PHF7: variants seen among roughly 807,000 people sequenced by gnomAD.
The protein encoded by PHF7 is E3 ubiquitin-protein ligase PHF7.
In PHF7, 24 loss-of-function variants were observed where a neutral mutation model predicts 47.5. The observed-to-expected ratio is 0.51, with a 90% CI of 0.37 to 0.71. PHF7 has a LOEUF of 0.71. Among genes scored for constraint, PHF7 ranks in the 30% least tolerant of loss-of-function variants. The pLI, the probability that PHF7 is intolerant of heterozygous loss-of-function variation, is 0.00. For missense variants in PHF7, 361 were observed against 456.8 expected (o/e 0.79, Z 1.91); for synonymous variants, 156 against 153.8 (o/e 1.01, Z -0.11).
rs145672718 is a variant in PHF7 at position 52,420,198 on chromosome 3, A to G, written c.289-113A>G. On this transcript the variant is annotated intron_variant, in intron 5 of 10. Transcript: ENST00000327906. ...GCCCCAGAGCATTCAGGACCACTGA[A>G]GATAGGGAATGGCTATTATTTCACA... 5.7e-3 allele frequency: 6,832 copies of G among 1,190,814 alleles called. 62 individuals carry two copies. The highest frequency in any genetic ancestry group is 0.023 in the South Asian group (1,924 of 82,112). The allele number at this position is 1,190,814 out of a possible 1,614,324, so 73.8% of individuals were successfully genotyped here.
chr3:52,419,251 G>A (rs746776901), intron 4 of PHF7, among the ~76,000 whole-genome samples: 14 of 152,052 alleles, frequency 9.2e-5, no homozygotes, highest in African/African-American at 1.9e-4. Flanking sequence ...TGAGCAGGTC[G>A]CATCATCTCT....
chr3:52,420,960 G>GA lies in PHF7; in HGVS notation c.471_472insA (p.Glu158ArgfsTer8). Reference sequence around the variant, plus strand: ...ACATCCAACATGGGCATGTGGGGGAGGAAAGCTGCATCTTATGTTGTGAAG... The same window carrying GA: ...ACATCCAACATGGGCATGTGGGGGAGAGAAAGCTGCATCTTATGTTGTGAAG... On this transcript the variant is annotated frameshift_variant, in exon 7 of 11. Transcript: ENST00000327906. LOFTEE classifies it high-confidence loss of function. The GA allele has an allele frequency of 6.2e-7, 1 of 1,613,608 alleles. No individual in the cohort carries two copies. The highest frequency in any genetic ancestry group is 1.1e-5 in the South Asian group (1 of 91,038).
intron 4 of PHF7, among the ~76,000 whole-genome samples, chr3:52,417,843 T>G (rs1303310171): frequency 6.6e-6 from 1 of 152,220 alleles, no homozygotes; most frequent in Non-Finnish European, 1.5e-5. Flanking sequence ...GTTGTTATCC[T>G]TGTCTTGTTC....
intron 4 of PHF7, among the ~76,000 whole-genome samples, chr3:52,418,328 GTATCTTGGCTTTTTTCCATCA>G (rs2153229086): frequency 6.6e-6 from 1 of 152,174 alleles, no homozygotes; most frequent in African/African-American, 2.4e-5. Flanking sequence ...AGAGTGCTTT[GTATCTTGGCTTTTTTCCATCA>G]TATATATTTT....
chr3:52,422,473 C>A, intron 9 of PHF7, 135 bp downstream of exon 9: 1 of 711,816 alleles, frequency 1.4e-6, no homozygotes, highest in Middle Eastern at 3.1e-4. Flanking sequence ...AAGTCTCATT[C>A]TTGACCAGCC....
intron 6 of PHF7, 89 bp downstream of exon 6, chr3:52,420,524 G>A: frequency 1.5e-6 from 2 of 1,321,718 alleles, no homozygotes; most frequent in South Asian, 1.2e-5. Flanking sequence ...TCACAAGCAG[G>A]CCTGTTTTGA....
At chr3:52,413,362 A>G (rs1208619500) in intron 2 of PHF7, among the ~76,000 whole-genome samples, 1 of 152,244 alleles carries the variant, frequency 6.6e-6, no homozygotes, top group Non-Finnish European at 1.5e-5. Context: ...TGCTTTGTAA[A>G]GGTGGTACCA....
chr3:52,421,593 G>A, intron 7 of PHF7, 55 bp from the exon 8 acceptor site: 1 of 977,238 alleles, frequency 1.0e-6, no homozygotes. Flanking sequence ...GGAGGAGAAA[G>A]AAGGTAGTCA....
intron 4 of PHF7, 191 bp downstream of exon 4, chr3:52,414,778 G>A (rs1162005814): frequency 1.9e-5 from 5 of 267,544 alleles, no homozygotes; most frequent in Non-Finnish European, 3.5e-5. Context: ...GGAGGCCGAG[G>A]CAGGAGGATC....
At chr3:52,418,840 C>G (rs1372121059) in intron 4 of PHF7, among the ~76,000 whole-genome samples, 1 of 150,060 alleles carries the variant, frequency 6.7e-6, no homozygotes, top group Non-Finnish European at 1.5e-5. Flanking sequence ...CGGAGTCTTG[C>G]TCTGTCGCCC....
intron 7 of PHF7, 118 bp from the exon 8 acceptor site, chr3:52,421,530 T>C: frequency 1.4e-6 from 1 of 703,744 alleles, no homozygotes. Flanking sequence ...CAAACTCCTT[T>C]TCCTGTACCC....
intron 4 of PHF7, among the ~76,000 whole-genome samples, chr3:52,416,725 C>T (rs1462439728): frequency 1.3e-5 from 2 of 150,222 alleles, no homozygotes; most frequent in Admixed American, 6.6e-5. Flanking sequence ...CCCAGCTACT[C>T]GGGAGGCTGA....
chr3:52,412,182 A>C (rs1231232254), intron 1 of PHF7, among the ~76,000 whole-genome samples: 2 of 151,406 alleles, frequency 1.3e-5, no homozygotes, highest in Non-Finnish European at 2.9e-5. Flanking sequence ...AGCCTGGGCA[A>C]CAATGAGAGA....
In PHF7 at chr3:52,423,518, A is replaced by C; in HGVS notation, c.*201A>C. On this transcript the variant is annotated 3_prime_UTR_variant, in exon 11 of 11. Transcript: ENST00000327906. ...AACAAGGAAATGCGTTTATGGCTAC[A>C]AGAGTGCCTCTGCTTTCTCCTCCTC... 3.9e-6 allele frequency: 2 copies of C among 515,716 alleles called. No homozygotes were observed. Among genetic ancestry groups the C allele is most frequent in the Non-Finnish European group, 6.9e-6 (2 of 290,382 alleles). The allele number at this position is 515,716 out of a possible 1,614,324, so 31.9% of individuals were successfully genotyped here.
At chr3:52,414,169 C>T in intron 3 of PHF7, 121 bp downstream of exon 3, 1 of 688,418 alleles carries the variant, frequency 1.5e-6, no homozygotes. Context: ...TTCCTAGATT[C>T]TCTAAGATCT....
At chr3:52,416,815 A>G (rs1705640359) in intron 4 of PHF7, among the ~76,000 whole-genome samples, 1 of 143,298 alleles carries the variant, frequency 7.0e-6, no homozygotes, top group African/African-American at 2.5e-5. Flanking sequence ...CCTGGGCGAC[A>G]GTGCAAGACT....
In PHF7 at chr3:52,421,651, T is replaced by G. The variant is rs762202267; in HGVS notation, c.577T>G (p.Tyr193Asp). The G allele has an allele frequency of 1.3e-6, 2 of 1,583,142 alleles. No homozygotes were observed. Among genetic ancestry groups the G allele is most frequent in the African/African-American group, 2.7e-5 (2 of 74,244 alleles). The change falls in exon 8 of 11, where the codon TAT becomes GAT. Residue 193 changes from tyrosine to aspartate, a missense_variant. Physicochemically the swap from Tyr to Asp is radical, Grantham distance 160. Coordinates refer to ENST00000327906, the MANE Select transcript of PHF7 (RefSeq NM_016483.7). ...CTCTTCCCTGTTTCTCTTACAGAAATATGCCCACACATCAGCAAAGCATTT... is the reference window on the plus strand; with the variant it reads ...CTCTTCCCTGTTTCTCTTACAGAAAGATGCCCACACATCAGCAAAGCATTT... The part of the protein sequence containing the change: ...AIYHRKCIQK[Y>D]AHTSAKHFFK...
At chr3:52,416,262 T>G (rs1705620935) in intron 4 of PHF7, among the ~76,000 whole-genome samples, 2 of 150,850 alleles carry the variant, frequency 1.3e-5, no homozygotes. Context: ...CTTGGCTCAC[T>G]GCAGCCTCCA....
chr3:52,418,898 C>A (rs1254187155), intron 4 of PHF7, among the ~76,000 whole-genome samples: 2 of 151,720 alleles, frequency 1.3e-5, no homozygotes, highest in African/African-American at 4.8e-5. Flanking sequence ...ACCTCCGCCT[C>A]CCGGGTTCAA....
Sources: gnomAD v4.1 joint callset for allele counts (sites outside exome capture counted in the v4.1 genomes callset) on GRCh38, gnomAD v4.1.1 for gene constraint, MANE v1.5 for transcripts, NCBI Gene and HGNC (gene_info 2026-07-23, HGNC 2026-07-21) for gene names.